The following SV2B variants were observed in gnomAD, a reference collection of about 807,000 sequenced individuals.
SV2B encodes the protein synaptic vesicle glycoprotein 2B, also known as solute carrier family 22 member B2.
Under a neutral mutation model 73.9 loss-of-function variants are expected in SV2B, and 41 were observed. That is an observed-to-expected ratio of 0.56 (90% CI 0.43 to 0.72). SV2B has a LOEUF of 0.72. Ranked by LOEUF, SV2B falls within the 30% of genes least tolerant of loss-of-function variation. The pLI, the probability that SV2B is intolerant of heterozygous loss-of-function variation, is 0.00. For missense variants in SV2B, 764 were observed against 857.8 expected, an observed-to-expected ratio of 0.89 and a Z score of 1.37; for synonymous variants, 314 against 314.2, an observed-to-expected ratio of 1.00 and a Z score of 0.01.
In SV2B at chr15:91,121,388, C is replaced by T. The variant is rs2042331289; in HGVS notation, c.-392+21025C>T. 6.6e-6 allele frequency among the ~76,000 whole-genome samples: 1 copy of T among 152,072 alleles called. No individual in the cohort carries two copies. Among genetic ancestry groups the T allele is most frequent in the African/African-American group, 2.4e-5 (1 of 41,394 alleles). On this transcript the variant is annotated intron_variant, in intron 1 of 12. Coordinates refer to ENST00000394232, the MANE Select transcript of SV2B (RefSeq NM_001323032.3). This position sits in a 1 kb window ranked among gnomAD's most constrained non-coding sequence, Gnocchi z 4.4. ...AATTGAATTTTTTAAAAATAAGCTG[C>T]CCAATGATCCTAATGTGCAGCCAAG...
chr15:91,299,855 G>A lies in SV2B; in HGVS notation c.*7303G>A, dbSNP rs1227290939. 6.6e-6 allele frequency: 1 copy of A among 152,132 alleles called. No individual in the cohort carries two copies. Among genetic ancestry groups the A allele is most frequent in the Non-Finnish European group, 1.5e-5 (1 of 68,038 alleles). The allele number at this position is 152,132 out of a possible 1,614,324, so 9.4% of individuals were successfully genotyped here. On this transcript the variant is annotated 3_prime_UTR_variant, in exon 13 of 13. Coordinates refer to ENST00000394232, the MANE Select transcript of SV2B (RefSeq NM_001323032.3). ...AGACGGGGTTTCGCCATGTTGGCCA[G>A]GCTCGTCTCGAACTCCTGGCCTCAA...
In SV2B at chr15:91,281,635, ATCTCCTTTTTCTGCCTTGC is replaced by A; in HGVS notation, c.1374-91_1374-73del. 1 of 1,433,932 alleles carries A rather than the reference ATCTCCTTTTTCTGCCTTGC, an allele frequency of 7.0e-7. No homozygotes were observed. The highest frequency in any genetic ancestry group is 9.4e-7 in the Non-Finnish European group (1 of 1,062,612). 88.8% of individuals were successfully genotyped at this position (1,433,932 alleles called of 1,614,324 possible). A position where few individuals can be genotyped will look rare whatever the true frequency, so the allele number is the denominator to read the frequency against. On this transcript the variant is annotated intron_variant, in intron 9 of 12. Transcript: ENST00000394232. The surrounding 1 kb of genome is among the most constrained non-coding windows in gnomAD (Gnocchi z 4.7). ...ATGCTCTGGCACCTTTTGCTTGCAC[ATCTCCTTTTTCTGCCTTGC>A]TGTGTTTTCCATTTTGGTCTTAAGT...
At chr15:91,189,114 G>A (rs753586921) in intron 1 of SV2B, among the ~76,000 whole-genome samples, 10 of 152,048 alleles carry the variant, frequency 6.6e-5, no homozygotes, top group Admixed American at 2.6e-4. Context: ...GAATGAGCAC[G>A]GCTGTACGTC....
Position 91,118,158 on chromosome 15 carries a change from G to A in SV2B, c.-392+17795G>A, listed in dbSNP as rs2042230953. Among the ~76,000 whole-genome samples the A allele has an allele frequency of 6.6e-6, 1 of 152,180 alleles. No individual in the cohort carries two copies. The highest frequency in any genetic ancestry group is 1.5e-5 in the Non-Finnish European group (1 of 68,020). On this transcript the variant is annotated intron_variant, in intron 1 of 12. Coordinates refer to ENST00000394232, the MANE Select transcript of SV2B (RefSeq NM_001323032.3). This position sits in a 1 kb window ranked among gnomAD's most constrained non-coding sequence, Gnocchi z 4.7. ...ATAAAACCAAGAAAAGGGCCTCCAAGAGACTCCCTTATGGGGAGTGGAGAT... is the reference window on the plus strand; with the variant it reads ...ATAAAACCAAGAAAAGGGCCTCCAAAAGACTCCCTTATGGGGAGTGGAGAT...
At chr15:91,134,142 G>C (rs1452905495) in intron 1 of SV2B, among the ~76,000 whole-genome samples, 1 of 151,750 alleles carries the variant, frequency 6.6e-6, no homozygotes. Flanking sequence ...GGGATTACAG[G>C]TGTGCACCAC....
At chr15:91,103,808 C>T (rs994105945) in intron 1 of SV2B, among the ~76,000 whole-genome samples, 1 of 152,194 alleles carries the variant, frequency 6.6e-6, no homozygotes, top group African/African-American at 2.4e-5. Flanking sequence ...CAGAAGGCAA[C>T]ATTTACTTCT....
In SV2B at chr15:91,266,650, G is replaced by T; in HGVS notation, c.1077G>T (p.Trp359Cys). The T allele has an allele frequency of 6.2e-7, 1 of 1,614,096 alleles. No individual in the cohort carries two copies. The highest frequency in any genetic ancestry group is 8.5e-7 in the Non-Finnish European group (1 of 1,180,008). Residue 359 changes from tryptophan to cysteine, a missense_variant, in exon 7 of 13, where the codon TGG becomes TGT. Trp to Cys is a radical substitution (Grantham distance 215). Transcript: ENST00000394232. ...FIEIQSSTGT[W>C]YQRWLVRFKT... ...AGATCCAAAGTTCAACAGGAACCTGGTACCAGCGCTGGCTGGTCAGATTCA... is the reference window on the plus strand; with the variant it reads ...AGATCCAAAGTTCAACAGGAACCTGTTACCAGCGCTGGCTGGTCAGATTCA...
chr15:91,167,880 A>C (rs556886100), intron 1 of SV2B, among the ~76,000 whole-genome samples: 49 of 152,324 alleles, frequency 3.2e-4, no homozygotes, highest in African/African-American at 1.2e-3. Flanking sequence ...GAAAGTGGGT[A>C]ATCAACTCAG....
chr15:91,222,618 G>A (rs747377081), intron 1 of SV2B, among the ~76,000 whole-genome samples: 16 of 152,178 alleles, frequency 1.1e-4, no homozygotes, highest in South Asian at 2.1e-4. Flanking sequence ...GCGACTCTGC[G>A]TGTGACCTTG....
intron 1 of SV2B, among the ~76,000 whole-genome samples, chr15:91,165,785 C>G (rs769359930): frequency 6.6e-6 from 1 of 152,104 alleles, no homozygotes; most frequent in Non-Finnish European, 1.5e-5. Flanking sequence ...TTAAAGAATT[C>G]GAGGAGAAAA....
intron 1 of SV2B, among the ~76,000 whole-genome samples, chr15:91,198,582 C>G (rs904535085): frequency 1.3e-5 from 2 of 151,514 alleles, no homozygotes; most frequent in Non-Finnish European, 2.9e-5. Flanking sequence ...AACCTAAAAG[C>G]ATATTTTATT....
rs1165199029 is a variant in SV2B at position 91,292,724 on chromosome 15, A to G, written c.*172A>G. The G allele has an allele frequency of 1.2e-5, 9 of 772,702 alleles. No individual in the cohort carries two copies. Among genetic ancestry groups the G allele is most frequent in the Non-Finnish European group, 1.7e-5 (9 of 518,958 alleles). 47.9% of individuals were successfully genotyped at this position (772,702 alleles called of 1,614,324 possible). A position where few individuals can be genotyped will look rare whatever the true frequency, so the allele number is the denominator to read the frequency against. On this transcript the variant is annotated 3_prime_UTR_variant, in exon 13 of 13. Coordinates refer to ENST00000394232, the MANE Select transcript of SV2B (RefSeq NM_001323032.3). The stretch of plus-strand genomic sequence containing the variant: ...TCAGCTGTCAATATGTTTGTAACTC[A>G]GGTGACTGATTTGGGGGTGCCCTGA...
rs567222380 is a variant in SV2B, at chr15:91,294,538, C to T, written c.*1986C>T. ...ATTGCTCTGTCAATAATGAAAGGCT[C>T]GATGTAATATAGCTGTAATTTACTT... is the stretch of plus-strand genomic sequence containing the variant. On this transcript the variant is annotated 3_prime_UTR_variant, in exon 13 of 13. Transcript: ENST00000394232. This position sits in a 1 kb window ranked among gnomAD's most constrained non-coding sequence, Gnocchi z 4.1. 5 of 152,032 alleles carry T rather than the reference C, an allele frequency of 3.3e-5. No individual in the cohort carries two copies. The highest frequency in any genetic ancestry group is 4.8e-5 in the African/African-American group (2 of 41,368). 9.4% of individuals were successfully genotyped at this position (152,032 alleles called of 1,614,324 possible). A position where few individuals can be genotyped will look rare whatever the true frequency, so the allele number is the denominator to read the frequency against.
intron 6 of SV2B, among the ~76,000 whole-genome samples, chr15:91,266,209 A>G (rs1277486539): frequency 6.6e-6 from 1 of 152,210 alleles, no homozygotes; most frequent in Non-Finnish European, 1.5e-5. Context: ...TTAGGGTTTA[A>G]AAAACAATAG....
rs1307676421 is a variant in SV2B, at chr15:91,133,239, A to G, written c.-392+32876A>G. On this transcript the variant is annotated intron_variant, in intron 1 of 12. Coordinates refer to ENST00000394232, the MANE Select transcript of SV2B (RefSeq NM_001323032.3). ...GACTGGGTCTCGGGGCTAATTAGAC[A>G]TGAAAAAACAGCATTTCCTGTTGGG... is the stretch of plus-strand genomic sequence containing the variant. Among the ~76,000 whole-genome samples, 2 of 152,198 alleles carry G rather than the reference A, an allele frequency of 1.3e-5. 1 individual carries two copies. The highest frequency in any genetic ancestry group is 4.8e-5 in the African/African-American group (2 of 41,446).
intron 1 of SV2B, among the ~76,000 whole-genome samples, chr15:91,196,241 A>G (rs1346529415): frequency 2.6e-5 from 4 of 152,234 alleles, no homozygotes; most frequent in African/African-American, 7.2e-5. Flanking sequence ...GCACGGGGAT[A>G]TAATAATTTA....
intron 9 of SV2B, among the ~76,000 whole-genome samples, chr15:91,275,493 C>T (rs2048455713): frequency 1.3e-5 from 2 of 152,088 alleles, no homozygotes; most frequent in Non-Finnish European, 2.9e-5. Flanking sequence ...ACTATTTTTG[C>T]TTTACCCAGT....
chr15:91,158,715 T>TTCCCTTCCCTTCC (rs2043597367), intron 1 of SV2B, among the ~76,000 whole-genome samples: 1 of 91,098 alleles, frequency 1.1e-5, no homozygotes, highest in African/African-American at 4.5e-5. Context: ...TCTCCTCTCC[T>TTCCCTTCCCTTCC]CTCCTCTCCT....
chr15:91,244,921 G>A (rs1567385477), intron 2 of SV2B, among the ~76,000 whole-genome samples: 2 of 152,176 alleles, frequency 1.3e-5, no homozygotes, highest in Non-Finnish European at 2.9e-5. Flanking sequence ...GTCACTGCAG[G>A]AAAAAGAAGC....
Sources: gnomAD v4.1 joint callset for allele counts (sites outside exome capture counted in the v4.1 genomes callset) on GRCh38, gnomAD v4.1.1 for gene constraint, Gnocchi (gnomAD v3.1) non-coding constraint, MANE v1.5 for transcripts, NCBI Gene and HGNC (gene_info 2026-07-23, HGNC 2026-07-21) for gene names.